The following PACSIN1 variants were observed in gnomAD, a reference collection of about 807,000 sequenced individuals.
PACSIN1 encodes protein kinase C and casein kinase substrate in neurons protein 1.
Under a neutral mutation model 59.5 loss-of-function variants are expected in PACSIN1, and 15 were observed. The observed-to-expected ratio is 0.25, with a 90% confidence interval of 0.17 to 0.39. The LOEUF (loss-of-function observed/expected upper bound fraction) is 0.39, where lower values mean the gene tolerates loss of function less well. PACSIN1 is among the 10% of genes least tolerant of loss of function. The probability of loss-of-function intolerance (pLI) is 1.00; values close to 1 mark genes in which losing one functional copy is unlikely to be tolerated. For missense variants in PACSIN1, 420 were observed against 580.2 expected (o/e 0.72, Z 2.84); for synonymous variants, 210 against 220.6 (o/e 0.95, Z 0.42).
intron 1 of PACSIN1, among the ~76,000 whole-genome samples, chr6:34,486,988 G>A (rs1202951811): frequency 3.6e-5 from 5 of 137,896 alleles, no homozygotes; most frequent in Admixed American, 7.3e-5. Flanking sequence ...GCAACATGGC[G>A]AAACCCCATC....
At chr6:34,526,420 G>A (rs1413688860) in intron 2 of PACSIN1, 52 bp downstream of exon 2, 1 of 1,473,022 alleles carries the variant, frequency 6.8e-7, no homozygotes, top group South Asian at 1.1e-5. Context: ...TGGCTGTTTG[G>A]AGGCCAGGCT....
chr6:34,526,782 G>A (rs1257858154), intron 2 of PACSIN1, among the ~76,000 whole-genome samples: 1 of 152,202 alleles, frequency 6.6e-6, no homozygotes, highest in Non-Finnish European at 1.5e-5. Flanking sequence ...CCGCAGAGCG[G>A]GAGGCACAGC....
intron 1 of PACSIN1, among the ~76,000 whole-genome samples, chr6:34,501,153 T>G (rs995277299): frequency 1.3e-5 from 2 of 152,264 alleles, no homozygotes; most frequent in Non-Finnish European, 2.9e-5. Flanking sequence ...CAAGAACTTT[T>G]TCTTTGCATT....
intron 1 of PACSIN1, among the ~76,000 whole-genome samples, chr6:34,505,868 G>A (rs943148517): frequency 2.0e-5 from 3 of 151,978 alleles, no homozygotes; most frequent in African/African-American, 7.3e-5. Flanking sequence ...CTGGCCTCAA[G>A]TGATCTGCCT....
At position 34,526,243 on chromosome 6, in the gene PACSIN1, T is replaced by C; in HGVS notation, c.-63T>C. 1.4e-6 allele frequency: 2 copies of C among 1,389,740 alleles called. No individual in the cohort carries two copies. Among genetic ancestry groups the C allele is most frequent in the Non-Finnish European group, 2.0e-6 (2 of 983,532 alleles). 86.1% of individuals were successfully genotyped at this position (1,389,740 alleles called of 1,614,324 possible). A position where few individuals can be genotyped will look rare whatever the true frequency, so the allele number is the denominator to read the frequency against. On this transcript the variant is annotated splice_region_variant and 5_prime_UTR_variant, in exon 2 of 10. Coordinates refer to ENST00000244458, the MANE Select transcript of PACSIN1 (RefSeq NM_020804.5). Reference sequence around the variant, plus strand: ...AGGGATCTCTCTCCTGCCCTCCCAGTGCATGAGCAGCCGAGCCTGCTAACC... The same window carrying C: ...AGGGATCTCTCTCCTGCCCTCCCAGCGCATGAGCAGCCGAGCCTGCTAACC...
intron 1 of PACSIN1, among the ~76,000 whole-genome samples, chr6:34,489,183 CAAAA>C (rs10638490): frequency 8.0e-6 from 1 of 124,644 alleles, no homozygotes; most frequent in Non-Finnish European, 1.8e-5. Flanking sequence ...GAGTTTGTCT[CAAAA>C]AAAAAAAAAA....
chr6:34,469,360 C>T (rs530523258), intron 1 of PACSIN1, among the ~76,000 whole-genome samples: 102 of 152,242 alleles, frequency 6.7e-4, no homozygotes, highest in African/African-American at 2.4e-3. Context: ...ATGGGCACTT[C>T]GTAACTGATT....
intron 1 of PACSIN1, among the ~76,000 whole-genome samples, 200 bp from the exon 2 acceptor site, chr6:34,526,043 G>T (rs1767475811): frequency 6.6e-6 from 1 of 152,078 alleles, no homozygotes; most frequent in Non-Finnish European, 1.5e-5. Context: ...GAAGGAGGAG[G>T]GATGGGGAGT....
chr6:34,513,221 T>C (rs1767233206), intron 1 of PACSIN1, among the ~76,000 whole-genome samples: 1 of 152,262 alleles, frequency 6.6e-6, no homozygotes, highest in Non-Finnish European at 1.5e-5. Flanking sequence ...GAATGCTTCA[T>C]GCAGCTATGT....
chr6:34,474,507 AG>A (rs1766611439), intron 1 of PACSIN1, among the ~76,000 whole-genome samples: 1 of 152,098 alleles, frequency 6.6e-6, no homozygotes, highest in African/African-American at 2.4e-5. Flanking sequence ...ATCCTATAAC[AG>A]GCTAGATGCA....
chr6:34,508,041 C>T (rs1767140282), intron 1 of PACSIN1, among the ~76,000 whole-genome samples: 1 of 152,198 alleles, frequency 6.6e-6, no homozygotes. Flanking sequence ...GAGACCCTGA[C>T]TTCAATTCCT....
chr6:34,509,113 C>G (rs755701844), intron 1 of PACSIN1, among the ~76,000 whole-genome samples: 5 of 152,242 alleles, frequency 3.3e-5, no homozygotes, highest in Non-Finnish European at 5.9e-5. Context: ...AAGTTTTTCC[C>G]TATATTTTCT....
chr6:34,469,758 G>A (rs1158901315), intron 1 of PACSIN1, among the ~76,000 whole-genome samples: 9 of 152,172 alleles, frequency 5.9e-5, no homozygotes, highest in Non-Finnish European at 2.9e-5. Flanking sequence ...CACCCCCTGG[G>A]GCAACAGGTA....
rs1267351811 is a variant in PACSIN1, at chr6:34,532,889, C to T, written c.*359C>T. On this transcript the variant is annotated 3_prime_UTR_variant, in exon 10 of 10. Coordinates refer to ENST00000244458, the MANE Select transcript of PACSIN1 (RefSeq NM_020804.5). The surrounding 1 kb of genome is among the most constrained non-coding windows in gnomAD (Gnocchi z 5.2). ...TCCCTCCGTCCCACTCCACTCCAGG[C>T]TGCCGGCACCTGCCCCATTCCCTGG... 10 of 181,926 alleles carry T rather than the reference C, an allele frequency of 5.5e-5. No homozygotes were observed. The East Asian group carries it at 1.4e-3, about 26-fold the overall frequency. The allele number at this position is 181,926 out of a possible 1,614,324, so 11.3% of individuals were successfully genotyped here. A position where few individuals can be genotyped will look rare whatever the true frequency, so the allele number is the denominator to read the frequency against.
rs1259707495 is a variant in PACSIN1, at chr6:34,534,647, C to T, written c.*2117C>T. The T allele has an allele frequency of 6.5e-6, 1 of 152,830 alleles. No homozygotes were observed. The highest frequency in any genetic ancestry group is 1.5e-5 in the Non-Finnish European group (1 of 68,194). The allele number at this position is 152,830 out of a possible 1,614,324, so 9.5% of individuals were successfully genotyped here. A position where few individuals can be genotyped will look rare whatever the true frequency, so the allele number is the denominator to read the frequency against. On this transcript the variant is annotated 3_prime_UTR_variant, in exon 10 of 10. Transcript: ENST00000244458. The stretch of plus-strand genomic sequence containing the variant: ...GGCTGCAGCCCCAGCTGGACTCCAG[C>T]CTGTCCCTCTTAGCACTCTAGCTGC...
rs78351481 is a variant in PACSIN1, at chr6:34,473,489, C to T, written c.-64+7219C>T. Among the ~76,000 whole-genome samples, 80 of 152,200 alleles carry T rather than the reference C, an allele frequency of 5.3e-4. 3 individuals carry two copies. In the East Asian group the frequency reaches 0.014, roughly 26 times the overall value. On this transcript the variant is annotated intron_variant, in intron 1 of 9. Transcript: ENST00000244458. ...TGGCAAAGACCCTGCATCCCTTAGCCCCACTCTGCCTAATCTGGGCCTTCC... is the reference window on the plus strand; with the variant it reads ...TGGCAAAGACCCTGCATCCCTTAGCTCCACTCTGCCTAATCTGGGCCTTCC...
At chr6:34,476,282 AT>A (rs1766637582) in intron 1 of PACSIN1, among the ~76,000 whole-genome samples, 1 of 152,180 alleles carries the variant, frequency 6.6e-6, no homozygotes, top group Non-Finnish European at 1.5e-5. Context: ...CCATCTTCAG[AT>A]GGGTAAGCTG....
intron 1 of PACSIN1, among the ~76,000 whole-genome samples, chr6:34,480,504 G>A (rs1168837012): frequency 2.0e-5 from 3 of 152,042 alleles, no homozygotes; most frequent in Non-Finnish European, 4.4e-5. Context: ...GGGATTACAG[G>A]CATGAGCCAC....
At chr6:34,475,818 A>G (rs995701507) in intron 1 of PACSIN1, among the ~76,000 whole-genome samples, 1 of 152,190 alleles carries the variant, frequency 6.6e-6, no homozygotes, top group African/African-American at 2.4e-5. Flanking sequence ...GATGGTATTT[A>G]TTAATGATAA....
Sources: gnomAD v4.1 joint callset for allele counts (sites outside exome capture counted in the v4.1 genomes callset) on GRCh38, gnomAD v4.1.1 for gene constraint, Gnocchi (gnomAD v3.1) non-coding constraint, MANE v1.5 for transcripts, NCBI Gene and HGNC (gene_info 2026-07-23, HGNC 2026-07-21) for gene names.